Variants in CHST11 observed in about 807,000 individuals in gnomAD.
CHST11 encodes the protein carbohydrate sulfotransferase 11.
CHST11 carries 9 observed loss-of-function variants against 30.4 expected under a neutral mutation model. The observed-to-expected ratio is 0.30, with a 90% confidence interval of 0.18 to 0.52. The LOEUF is 0.52. Ranked by LOEUF, CHST11 falls within the 20% of genes least tolerant of loss-of-function variation. The pLI is 0.97. For synonymous variants in CHST11, 152 were observed against 187.8 expected (o/e 0.81, Z 1.56); for missense variants, 348 against 460.6 (o/e 0.76, Z 2.24).
chr12:104,600,780 A>G lies in CHST11; in HGVS notation c.119-1126A>G, dbSNP rs1016666342. ...CTTGTTCCACTCATGCCACTGTTGC[A>G]CCTCAAACCATAAGAAAACTGCCTC... is the stretch of plus-strand genomic sequence containing the variant. On this transcript the variant is annotated intron_variant, in intron 1 of 2. Coordinates refer to ENST00000303694, the MANE Select transcript of CHST11 (RefSeq NM_018413.6). The surrounding 1 kb of genome is among the most constrained non-coding windows in gnomAD (Gnocchi z 4.1). Among the ~76,000 whole-genome samples, 1 of 152,100 alleles carries G rather than the reference A, an allele frequency of 6.6e-6. No homozygotes were observed. Among genetic ancestry groups the G allele is most frequent in the Non-Finnish European group, 1.5e-5 (1 of 68,014 alleles).
intron 2 of CHST11, among the ~76,000 whole-genome samples, chr12:104,733,251 C>T (rs2040271202): frequency 6.6e-6 from 1 of 152,222 alleles, no homozygotes; most frequent in Non-Finnish European, 1.5e-5. Flanking sequence ...GATGCAAAAT[C>T]TGGAGTCTAG....
intron 1 of CHST11, among the ~76,000 whole-genome samples, chr12:104,502,904 A>G (rs2037865939): frequency 6.6e-6 from 1 of 152,224 alleles, no homozygotes; most frequent in East Asian, 1.9e-4. Flanking sequence ...ATGCATAGGA[A>G]TCGCCTGGAG....
intron 2 of CHST11, among the ~76,000 whole-genome samples, chr12:104,724,615 G>A (rs1319609435): frequency 6.6e-6 from 1 of 152,062 alleles, no homozygotes; most frequent in African/African-American, 2.4e-5. Flanking sequence ...TTGTCCTCAG[G>A]CCTCCCCTCT....
intron 2 of CHST11, among the ~76,000 whole-genome samples, chr12:104,679,388 C>T (rs2039772423): frequency 6.6e-6 from 1 of 152,132 alleles, no homozygotes; most frequent in Non-Finnish European, 1.5e-5. Context: ...GGGTACCCAC[C>T]GAGGCCTGGA....
At chr12:104,629,442 G>A (rs1043575272) in intron 2 of CHST11, among the ~76,000 whole-genome samples, 1 of 152,234 alleles carries the variant, frequency 6.6e-6, no homozygotes, top group African/African-American at 2.4e-5. Context: ...GTTCAGAGAA[G>A]GTTAAGCCCT....
chr12:104,647,090 C>A (rs75890813), intron 2 of CHST11, among the ~76,000 whole-genome samples: 1 of 152,188 alleles, frequency 6.6e-6, no homozygotes, highest in Non-Finnish European at 1.5e-5. Context: ...GAGGTGAGCT[C>A]CCCATCACAG....
intron 2 of CHST11, 184 bp downstream of exon 2, chr12:104,602,175 G>A (rs2038962836): frequency 1.7e-6 from 1 of 599,134 alleles, no homozygotes; most frequent in African/African-American, 1.9e-5. Context: ...ATCTAGCAGG[G>A]GATGTTTAGA....
At chr12:104,522,086 T>C (rs2038078870) in intron 1 of CHST11, among the ~76,000 whole-genome samples, 1 of 152,198 alleles carries the variant, frequency 6.6e-6, no homozygotes. Flanking sequence ...TAATGTGAAA[T>C]TAAATCAAGA....
At position 104,457,539 on chromosome 12, in the gene CHST11, G is replaced by A. The variant is rs765996440; in HGVS notation, c.118+10G>A. ...AGTATGTTGCACCCAGGTAGGGGGC[G>A]CGTTAGCGTGGTTTTGTTGGATATT... On this transcript the variant is annotated intron_variant, in intron 1 of 2. Transcript: ENST00000303694. The A allele has an allele frequency of 1.9e-6, 3 of 1,571,842 alleles. No homozygotes were observed. The highest frequency in any genetic ancestry group is 2.2e-5 in the South Asian group (2 of 90,226).
At chr12:104,741,953 A>C (rs1368155123) in intron 2 of CHST11, among the ~76,000 whole-genome samples, 1 of 152,166 alleles carries the variant, frequency 6.6e-6, no homozygotes, top group Non-Finnish European at 1.5e-5. Context: ...TACACTGAAC[A>C]TTGAGAAATG....
chr12:104,644,715 C>A lies in CHST11; in HGVS notation c.204+42724C>A, dbSNP rs142573832. Among the ~76,000 whole-genome samples, 3 of 152,238 alleles carry A rather than the reference C, an allele frequency of 2.0e-5. No homozygotes were observed. The East Asian group carries it at 5.8e-4, about 29-fold the overall frequency. ...GCTGGGGTGGTTCTGTCTCAGAGCC[C>A]GGTGGCAGACTGACCAGTGTAGGTA... On this transcript the variant is annotated intron_variant, in intron 2 of 2. Coordinates refer to ENST00000303694, the MANE Select transcript of CHST11 (RefSeq NM_018413.6).
chr12:104,752,536 A>C (rs1592875740), intron 2 of CHST11, among the ~76,000 whole-genome samples: 1 of 143,898 alleles, frequency 6.9e-6, no homozygotes, highest in South Asian at 2.1e-4. Flanking sequence ...TTATTTATTT[A>C]TGTATTTTTG....
At chr12:104,738,140 C>G (rs2040316264) in intron 2 of CHST11, among the ~76,000 whole-genome samples, 2 of 152,174 alleles carry the variant, frequency 1.3e-5, no homozygotes, top group Non-Finnish European at 2.9e-5. Flanking sequence ...AGGCCCTGGT[C>G]AGGGGGTGCT....
chr12:104,473,692 G>A (rs1040865009), intron 1 of CHST11, among the ~76,000 whole-genome samples: 10 of 152,020 alleles, frequency 6.6e-5, no homozygotes, highest in Non-Finnish European at 4.4e-5. Flanking sequence ...AGGGCATGGG[G>A]CTATTGTAGA....
chr12:104,684,953 A>T (rs1188357579), intron 2 of CHST11, among the ~76,000 whole-genome samples: 1 of 152,210 alleles, frequency 6.6e-6, no homozygotes, highest in Non-Finnish European at 1.5e-5. Context: ...CCATGCTGCA[A>T]ATATATTATG....
chr12:104,688,411 G>A (rs2039868287), intron 2 of CHST11, among the ~76,000 whole-genome samples: 1 of 152,196 alleles, frequency 6.6e-6, no homozygotes, highest in Non-Finnish European at 1.5e-5. Flanking sequence ...TAGTCCCTGA[G>A]CCAGTAGGTG....
chr12:104,519,293 A>G (rs1471280371), intron 1 of CHST11, among the ~76,000 whole-genome samples: 1 of 152,154 alleles, frequency 6.6e-6, no homozygotes. Context: ...ATTTCCAGGA[A>G]ACCCCCTTAC....
intron 1 of CHST11, among the ~76,000 whole-genome samples, chr12:104,584,261 C>CTTTT (rs34673490): frequency 7.3e-6 from 1 of 136,782 alleles, no homozygotes; most frequent in Non-Finnish European, 1.5e-5. Flanking sequence ...TCTCTTTCTT[C>CTTTT]TTTTTTTTTT....
chr12:104,690,314 G>A (rs1211133718), intron 2 of CHST11, among the ~76,000 whole-genome samples: 1 of 152,034 alleles, frequency 6.6e-6, no homozygotes, highest in Non-Finnish European at 1.5e-5. Flanking sequence ...CCTGTCTCTG[G>A]GTCTCTGTGC....
Sources: allele counts gnomAD v4.1 joint callset (sites outside exome capture counted in the v4.1 genomes callset), GRCh38; gene constraint gnomAD v4.1.1; non-coding constraint Gnocchi (gnomAD v3.1); transcripts MANE v1.5; gene names NCBI Gene and HGNC (gene_info 2026-07-23, HGNC 2026-07-21).